DTD1: variants seen among roughly 807,000 people sequenced by gnomAD.
The protein encoded by DTD1 is D-tyrosyl-tRNA deacylase 1 homolog.
Under a neutral mutation model 25.6 loss-of-function variants are expected in DTD1, and 13 were observed. That is an observed-to-expected ratio of 0.51 (90% CI 0.33 to 0.81). The LOEUF (loss-of-function observed/expected upper bound fraction) is 0.81. Ranked by LOEUF, DTD1 falls within the 30% of genes least tolerant of loss-of-function variation. The pLI is 0.02. For missense variants in DTD1, 193 were observed against 266.4 expected (o/e 0.72, Z 1.92); for synonymous variants, 110 against 103.6 (o/e 1.06, Z -0.37).
intron 1 of DTD1, among the ~76,000 whole-genome samples, chr20:18,590,652 T>C (rs974714783): frequency 3.3e-5 from 5 of 152,076 alleles, no homozygotes; most frequent in Admixed American, 2.0e-4. Flanking sequence ...TTTGTATTTT[T>C]AGTGGAGACA....
intron 4 of DTD1, among the ~76,000 whole-genome samples, chr20:18,683,749 A>G (rs976370340): frequency 6.6e-6 from 1 of 152,346 alleles, no homozygotes; most frequent in Middle Eastern, 3.4e-3. Context: ...ATGGTTAGGA[A>G]CTAGCAGTAT....
At chr20:18,631,948 TG>T in intron 4 of DTD1, 1 of 961,184 alleles carries the variant, frequency 1.0e-6, no homozygotes, top group Non-Finnish European at 1.2e-6. Flanking sequence ...GCAGTTATTT[TG>T]GGTGAGTAAG....
chr20:18,666,594 C>A (rs1401449917), intron 4 of DTD1, among the ~76,000 whole-genome samples: 1 of 151,974 alleles, frequency 6.6e-6, no homozygotes, highest in Non-Finnish European at 1.5e-5. Flanking sequence ...ATCTGGCAAC[C>A]CTATTTGGAA....
intron 5 of DTD1, among the ~76,000 whole-genome samples, chr20:18,753,564 C>T (rs573246735): frequency 1.6e-4 from 21 of 134,392 alleles, no homozygotes; most frequent in East Asian, 1.3e-3. Flanking sequence ...ACTGAGATCG[C>T]GCCACTGCAC....
chr20:18,738,464 G>A (rs753259529), intron 4 of DTD1, among the ~76,000 whole-genome samples: 5 of 152,228 alleles, frequency 3.3e-5, no homozygotes, highest in Non-Finnish European at 7.3e-5. Context: ...GGTTCAGCTG[G>A]CTCAACTCTG....
At position 18,628,655 on chromosome 20, in the gene DTD1, A is replaced by AT. The variant is rs3215654; in HGVS notation, c.477+427dup. Among the ~76,000 whole-genome samples the AT allele has an allele frequency of 5.3e-3, 808 of 152,160 alleles. 9 individuals carry two copies. Among genetic ancestry groups the AT allele is most frequent in the South Asian group, 0.039 (186 of 4,822 alleles). On this transcript the variant is annotated intron_variant, in intron 4 of 5. Coordinates refer to ENST00000377452, the MANE Select transcript of DTD1 (RefSeq NM_080820.6). ...CCCCCAAGGTTTGCTGTAAATCTCC[A>AT]TTTTTCTAAAGCAGTGTCTGACCTG...
At chr20:18,680,210 G>A (rs186706264) in intron 4 of DTD1, among the ~76,000 whole-genome samples, 45 of 151,912 alleles carry the variant, frequency 3.0e-4, no homozygotes, top group East Asian at 1.2e-3. Flanking sequence ...TTTTATTCAC[G>A]GTCTCATTGT....
At chr20:18,761,154 A>G (rs1389934329) in intron 5 of DTD1, among the ~76,000 whole-genome samples, 2 of 152,136 alleles carry the variant, frequency 1.3e-5, no homozygotes, top group Non-Finnish European at 1.5e-5. Context: ...TTGGCTAGGA[A>G]AGGGAATTCC....
intron 4 of DTD1, among the ~76,000 whole-genome samples, chr20:18,738,943 A>G (rs2122514486): frequency 6.6e-6 from 1 of 152,364 alleles, no homozygotes; most frequent in South Asian, 2.1e-4. Flanking sequence ...GTCCAGATAC[A>G]TGTTTGAAAA....
At chr20:18,613,437 G>A (rs542905423) in intron 3 of DTD1, among the ~76,000 whole-genome samples, 28 of 152,284 alleles carry the variant, frequency 1.8e-4, no homozygotes, top group Non-Finnish European at 2.9e-5. Context: ...GAACACCAAA[G>A]TCCTGTGGCT....
intron 3 of DTD1, among the ~76,000 whole-genome samples, chr20:18,614,779 G>T (rs908567364): frequency 1.3e-5 from 2 of 151,974 alleles, no homozygotes; most frequent in Non-Finnish European, 2.9e-5. Flanking sequence ...AGCTCCCTAG[G>T]CTTGCACACA....
At chr20:18,686,646 C>CTGTGTG (rs56350174) in intron 4 of DTD1, among the ~76,000 whole-genome samples, 37,164 of 148,824 alleles carry the variant, frequency 0.25, 5,191 homozygotes, top group Non-Finnish European at 0.33. Context: ...TATTTATTAG[C>CTGTGTG]TGTGTGTGTG....
At chr20:18,604,997 C>T (rs1347858503) in intron 3 of DTD1, among the ~76,000 whole-genome samples, 331 of 38,230 alleles carry the variant, frequency 8.7e-3, no homozygotes, top group Non-Finnish European at 0.013. Flanking sequence ...TCCTTGTTTG[C>T]AGATGACATG....
chr20:18,659,602 A>C (rs1204158802), intron 4 of DTD1, among the ~76,000 whole-genome samples: 1 of 152,152 alleles, frequency 6.6e-6, no homozygotes, highest in Non-Finnish European at 1.5e-5. Context: ...TATTCTTTGG[A>C]GGGACATGGA....
intron 4 of DTD1, among the ~76,000 whole-genome samples, chr20:18,660,659 A>G (rs2060906496): frequency 6.6e-6 from 1 of 152,238 alleles, no homozygotes; most frequent in South Asian, 2.1e-4. Flanking sequence ...CATTTTAGCA[A>G]CTTTGAGAAA....
chr20:18,708,155 AC>A, intron 4 of DTD1, among the ~76,000 whole-genome samples: 1 of 46,528 alleles, frequency 2.1e-5, no homozygotes, highest in Non-Finnish European at 5.9e-5. Flanking sequence ...CTAATTATTA[AC>A]ATGTGTGTGT....
At chr20:18,619,586 G>C (rs577996003) in intron 3 of DTD1, among the ~76,000 whole-genome samples, 13 of 151,996 alleles carry the variant, frequency 8.6e-5, no homozygotes, top group Admixed American at 7.9e-4. Context: ...CGCCACGCCT[G>C]GCTAATTCTT....
At position 18,700,614 on chromosome 20, in the gene DTD1, C is replaced by T. The variant is rs962391844; in HGVS notation, c.478-43486C>T. 3.5e-4 allele frequency among the ~76,000 whole-genome samples: 53 copies of T among 151,918 alleles called. 3 individuals carry two copies. Among genetic ancestry groups the T allele is most frequent in the Non-Finnish European group, 2.9e-5 (2 of 67,994 alleles). ...AATTCTGAGATCTTAGTGTACCCGT[C>T]ACCCGAGTGGTGTACATGGTACTCA... On this transcript the variant is annotated intron_variant, in intron 4 of 5. Coordinates refer to ENST00000377452, the MANE Select transcript of DTD1 (RefSeq NM_080820.6).
chr20:18,676,569 A>AT (rs1262671879), intron 4 of DTD1, among the ~76,000 whole-genome samples: 1 of 152,160 alleles, frequency 6.6e-6, no homozygotes, highest in African/African-American at 2.4e-5. Flanking sequence ...AAATTGGAAA[A>AT]TTGACGGTTG....
Sources: allele counts gnomAD v4.1 joint callset (sites outside exome capture counted in the v4.1 genomes callset), GRCh38; gene constraint gnomAD v4.1.1; transcripts MANE v1.5; gene names NCBI Gene and HGNC (gene_info 2026-07-23, HGNC 2026-07-21).